CAMK4: variants seen among roughly 807,000 people sequenced by gnomAD.
CAMK4 encodes the protein calcium/calmodulin dependent protein kinase IV.
A neutral mutation model predicts 44.9 loss-of-function variants in CAMK4; 22 were observed. That is an observed-to-expected ratio of 0.49 (90% CI 0.35 to 0.70). The LOEUF is 0.70. Ranked by LOEUF, CAMK4 falls within the 30% of genes least tolerant of loss-of-function variation. CAMK4 has a pLI of 0.01. For synonymous variants in CAMK4, 218 were observed against 215.4 expected (o/e 1.01, Z -0.11); for missense variants, 498 against 586.8 (o/e 0.85, Z 1.56).
At chr5:111,445,342 T>C (rs995675171) in intron 5 of CAMK4, among the ~76,000 whole-genome samples, 4 of 152,176 alleles carry the variant, frequency 2.6e-5, no homozygotes, top group Non-Finnish European at 5.9e-5. Flanking sequence ...ATTAATGATA[T>C]ATATAAGTAG....
chr5:111,341,064 G>A lies in CAMK4; in HGVS notation c.162-2960G>A, dbSNP rs531711722. 4.0e-5 allele frequency among the ~76,000 whole-genome samples: 6 copies of A among 150,856 alleles called. No individual in the cohort carries two copies. The South Asian group carries it at 8.3e-4, about 21-fold the overall frequency. On this transcript the variant is annotated intron_variant, in intron 1 of 10. Transcript: ENST00000282356. ...CTGTACTATCAGTTGTATGTGTTCC[G>A]ATATTTTGCCTATTTTTAATGTGTT...
intron 1 of CAMK4, among the ~76,000 whole-genome samples, chr5:111,272,587 A>G (rs1252432817): frequency 6.6e-6 from 1 of 152,172 alleles, no homozygotes; most frequent in Non-Finnish European, 1.5e-5. Context: ...TGTGAATTAG[A>G]AATTAGGTAA....
At chr5:111,240,747 G>A (rs1024910299) in intron 1 of CAMK4, among the ~76,000 whole-genome samples, 1 of 152,182 alleles carries the variant, frequency 6.6e-6, no homozygotes, top group East Asian at 1.9e-4. Context: ...CAAATGATTG[G>A]ATATCACAGC....
intron 1 of CAMK4, among the ~76,000 whole-genome samples, chr5:111,248,482 C>T (rs1398872463): frequency 6.7e-6 from 1 of 149,486 alleles, no homozygotes; most frequent in Non-Finnish European, 1.5e-5. Context: ...TTTTGTGTCA[C>T]TTAAGAAATT....
chr5:111,229,266 C>G (rs1748347109), intron 1 of CAMK4, among the ~76,000 whole-genome samples: 2 of 152,184 alleles, frequency 1.3e-5, no homozygotes, highest in Admixed American at 1.3e-4. Context: ...TTAGGACTCT[C>G]TGTTTTGCAG....
intron 1 of CAMK4, among the ~76,000 whole-genome samples, chr5:111,238,808 C>CTTTT (rs57552178): frequency 8.7e-5 from 4 of 45,940 alleles, no homozygotes; most frequent in African/African-American, 1.8e-4. Flanking sequence ...AGAGGCTCTT[C>CTTTT]TTTTTTTTTT....
chr5:111,443,798 A>G (rs1753932673), intron 5 of CAMK4, among the ~76,000 whole-genome samples: 1 of 152,066 alleles, frequency 6.6e-6, no homozygotes, highest in South Asian at 2.1e-4. Context: ...AACACAATGG[A>G]GTTTCTAAAT....
intron 1 of CAMK4, among the ~76,000 whole-genome samples, chr5:111,343,791 A>T (rs1749747114): frequency 1.3e-5 from 2 of 151,758 alleles, no homozygotes; most frequent in African/African-American, 4.8e-5. Flanking sequence ...TTGTATAGGG[A>T]TAAGGCAGAA....
At chr5:111,374,596 G>A (rs1751139316) in intron 2 of CAMK4, among the ~76,000 whole-genome samples, 1 of 152,116 alleles carries the variant, frequency 6.6e-6, no homozygotes. Context: ...CTTTTGATAG[G>A]AAAGTGGGGA....
Position 111,388,653 on chromosome 5 carries a change from A to C in CAMK4, c.387-6057A>C, listed in dbSNP as rs573383207. 3.3e-5 allele frequency among the ~76,000 whole-genome samples: 5 copies of C among 152,222 alleles called. No homozygotes were observed. In the South Asian group the frequency reaches 1.0e-3, roughly 32 times the overall value. ...TAATAACTCTATCACATCATTTAGC[A>C]CACTGTGTTGAATGTTGTCTGTCTA... On this transcript the variant is annotated intron_variant, in intron 4 of 10. Transcript: ENST00000282356.
chr5:111,359,035 C>G lies in CAMK4; in HGVS notation c.240+14933C>G, dbSNP rs141237947. Among the ~76,000 whole-genome samples the G allele has an allele frequency of 3.2e-3, 493 of 152,250 alleles. 3 individuals carry two copies. Among genetic ancestry groups the G allele is most frequent in the African/African-American group, 0.011 (474 of 41,560 alleles). On this transcript the variant is annotated intron_variant, in intron 2 of 10. Transcript: ENST00000282356. ...CTAGTGTGAACAGTGCTGCAGTGAA[C>G]ATATGTGTGCATGTATCTTTATAAC...
At chr5:111,437,259 A>C (rs1002943398) in intron 5 of CAMK4, among the ~76,000 whole-genome samples, 2 of 152,240 alleles carry the variant, frequency 1.3e-5, no homozygotes, top group Admixed American at 1.3e-4. Flanking sequence ...TTCTATTTTA[A>C]TATTTTAACT....
intron 6 of CAMK4, among the ~76,000 whole-genome samples, chr5:111,448,533 C>T (rs1405690975): frequency 2.0e-5 from 3 of 152,170 alleles, no homozygotes; most frequent in Admixed American, 6.5e-5. Flanking sequence ...CTTGGCTGGG[C>T]GCGGGGGCTC....
intron 5 of CAMK4, among the ~76,000 whole-genome samples, chr5:111,411,015 A>G (rs762081752): frequency 5.9e-5 from 9 of 152,176 alleles, no homozygotes; most frequent in African/African-American, 9.7e-5. Flanking sequence ...GTTGTGTTCA[A>G]TGAAAACACA....
intron 2 of CAMK4, among the ~76,000 whole-genome samples, chr5:111,372,984 A>G (rs373735): frequency 0.38 from 57,755 of 152,022 alleles, 11,319 homozygotes; most frequent in Non-Finnish European, 0.43. Flanking sequence ...CCTCTCCTCT[A>G]AGAATTTATA....
intron 2 of CAMK4, among the ~76,000 whole-genome samples, chr5:111,351,513 C>A (rs1025013677): frequency 6.6e-6 from 1 of 151,578 alleles, no homozygotes; most frequent in Middle Eastern, 3.4e-3. Flanking sequence ...TCAAGCGATT[C>A]TCCTGCCTCA....
intron 1 of CAMK4, among the ~76,000 whole-genome samples, chr5:111,242,838 G>T (rs567440417): frequency 2.1e-4 from 31 of 145,044 alleles, no homozygotes; most frequent in African/African-American, 7.9e-4. Context: ...CTCACTCCAC[G>T]CCCCCTCTTT....
At chr5:111,385,283 A>G (rs1751557786) in intron 4 of CAMK4, among the ~76,000 whole-genome samples, 1 of 152,160 alleles carries the variant, frequency 6.6e-6, no homozygotes, top group Non-Finnish European at 1.5e-5. Context: ...CAGTGTGTAG[A>G]GTACAAAACA....
At chr5:111,346,716 T>C (rs1749885766) in intron 2 of CAMK4, among the ~76,000 whole-genome samples, 1 of 151,940 alleles carries the variant, frequency 6.6e-6, no homozygotes, top group East Asian at 1.9e-4. Context: ...TCCTAGCTTC[T>C]GGTGACAGCC....
Sources: gnomAD v4.1 joint callset for allele counts (sites outside exome capture counted in the v4.1 genomes callset) on GRCh38, gnomAD v4.1.1 for gene constraint, MANE v1.5 for transcripts, NCBI Gene and HGNC (gene_info 2026-07-23, HGNC 2026-07-21) for gene names.